Variants in SYT3 observed in about 807,000 individuals in gnomAD.
SYT3 encodes the protein synaptotagmin 3.
A neutral mutation model predicts 50.6 loss-of-function variants in SYT3; 25 were observed. That is an observed-to-expected ratio of 0.49 (90% CI 0.36 to 0.69). The LOEUF (loss-of-function observed/expected upper bound fraction) is 0.69, where lower values mean the gene tolerates loss of function less well. Ranked by LOEUF, SYT3 falls within the 30% of genes least tolerant of loss-of-function variation. The probability of loss-of-function intolerance (pLI) is 0.00; values close to 1 mark genes in which losing one functional copy is unlikely to be tolerated. For synonymous variants in SYT3, 323 were observed against 353.9 expected, an observed-to-expected ratio of 0.91 and a Z score of 0.98; for missense variants, 589 against 793.6, an observed-to-expected ratio of 0.74 and a Z score of 3.10.
chr19:50,624,513 T>C (rs1983969555), intron 9 of SYT3, among the ~76,000 whole-genome samples: 1 of 152,062 alleles, frequency 6.6e-6, no homozygotes, highest in Non-Finnish European at 1.5e-5. Context: ...AGAATGGCCA[T>C]GTTTGATTAT....
the SYT3 span, chr19:50,649,921 A>C: frequency 4.6e-6 from 2 of 437,792 alleles, no homozygotes; most frequent in Non-Finnish European, 9.2e-6. Flanking sequence ...CCATCCTTCC[A>C]CCTCCCACAA....
Position 50,630,112 on chromosome 19 carries a change from C to T in SYT3, c.734G>A (p.Ser245Asn), listed in dbSNP as rs1176654650. The T allele has an allele frequency of 5.6e-6, 9 of 1,604,014 alleles. No homozygotes were observed. Among genetic ancestry groups the T allele is most frequent in the Non-Finnish European group, 7.7e-6 (9 of 1,174,922 alleles). Reference sequence around the variant, plus strand: ...CAGGGCAGGTGGCCGCTCCTCACTGCTGGGGTCCGGCTGGGAGGTCAGAGT... The same window carrying T: ...CAGGGCAGGTGGCCGCTCCTCACTGTTGGGGTCCGGCTGGGAGGTCAGAGT... ...QQTLTSQPDP[S>N]SEERPPALPL... The change falls in exon 5 of 11, where the codon AGC (serine) becomes AAC (asparagine). Residue 245 changes from serine (S) to asparagine (N), a missense_variant. Transcript: ENST00000600079.
intron 6 of SYT3, among the ~76,000 whole-genome samples, chr19:50,628,106 A>G (rs1409603534): frequency 6.6e-6 from 1 of 152,200 alleles, no homozygotes; most frequent in African/African-American, 2.4e-5. Context: ...AGGCTCAGAA[A>G]AGGAAAGAAC....
chr19:50,622,182 A>G lies in SYT3; in HGVS notation c.*303T>C, dbSNP rs1983874337. 1 of 140,658 alleles carries G rather than the reference A, an allele frequency of 7.1e-6. No individual in the cohort carries two copies. The highest frequency in any genetic ancestry group is 1.5e-5 in the Non-Finnish European group (1 of 65,326). The allele number at this position is 140,658 out of a possible 1,614,324, so 8.7% of individuals were successfully genotyped here. On this transcript the variant is annotated 3_prime_UTR_variant, in exon 11 of 11. Coordinates refer to ENST00000600079, the MANE Select transcript of SYT3 (RefSeq NM_001160329.2). The stretch of plus-strand genomic sequence containing the variant: ...TCTTGGACAAACAGCAAAGAGACAG[A>G]GACAGACAGAGGGTTTTGGGGGGCA...
the SYT3 span, among the ~76,000 whole-genome samples, chr19:50,654,944 C>T: frequency 2.4e-4 from 37 of 152,272 alleles, no homozygotes; most frequent in East Asian, 7.1e-3. Flanking sequence ...ATAAGAGTTC[C>T]TCCCATACTG....
At chr19:50,642,173 C>A (rs79664910), upstream of SYT3, among the ~76,000 whole-genome samples, 1 of 152,322 alleles carries the variant, frequency 6.6e-6, no homozygotes, top group Admixed American at 6.5e-5. Context: ...AACCTACAGA[C>A]CACGAGTGCA....
At chr19:50,651,369 G>A in the SYT3 span, among the ~76,000 whole-genome samples, 2 of 151,910 alleles carry the variant, frequency 1.3e-5, no homozygotes, top group Non-Finnish European at 2.9e-5. Context: ...TATTCTTTAG[G>A]TCTCACTGTG....
intron 3 of SYT3, among the ~76,000 whole-genome samples, chr19:50,634,750 A>T (rs984694099): frequency 1.3e-5 from 2 of 151,556 alleles, no homozygotes; most frequent in Non-Finnish European, 2.9e-5. Flanking sequence ...TGCCTGGCTA[A>T]TTTTTGTATT....
Position 50,625,211 on chromosome 19 carries a change from A to AGTGC in SYT3, c.1657_1658insGCAC (p.Met553SerfsTer45). Reference sequence around the variant, plus strand: ...CACGGGCTTGCGGGGATTGGCCAGCATCTCTGCCCAGTGCTCGCGGCCGTG... The same window carrying AGTGC: ...CACGGGCTTGCGGGGATTGGCCAGCAGTGCTCTCTGCCCAGTGCTCGCGGCCGTG... On this transcript the variant is annotated frameshift_variant, in exon 9 of 11. Coordinates refer to ENST00000600079, the MANE Select transcript of SYT3 (RefSeq NM_001160329.2). LOFTEE classifies it high-confidence loss of function. This position sits in a 1 kb window ranked among gnomAD's most constrained non-coding sequence, Gnocchi z 7.5. The AGTGC allele has an allele frequency of 6.2e-7, 1 of 1,601,062 alleles. No homozygotes were observed.
Position 50,625,467 on chromosome 19 carries a change from C to A in SYT3, c.1500G>T (p.Glu500Asp). 1 of 1,603,000 alleles carries A rather than the reference C, an allele frequency of 6.2e-7. No individual in the cohort carries two copies. The highest frequency in any genetic ancestry group is 1.1e-5 in the South Asian group (1 of 89,112). The change falls in exon 8 of 11, where the codon GAG (glutamate) becomes GAT (aspartate). Residue 500 changes from glutamate (E) to aspartate (D), a missense_variant. Transcript: ENST00000600079. The surrounding 1 kb of genome is among the most constrained non-coding windows in gnomAD (Gnocchi z 7.5). ...KKNTLNPTYN[E>D]ALVFDVAPES... ...CGGGGGCCACGTCGAACACCAGCGC[C>A]TCATTATAGGTGGGGTTCAGCGTGT...
At chr19:50,634,248 C>T (rs776341004) in intron 3 of SYT3, among the ~76,000 whole-genome samples, 7 of 152,158 alleles carry the variant, frequency 4.6e-5, no homozygotes, top group Non-Finnish European at 1.0e-4. Context: ...CAGGGAAAAT[C>T]CCTACTCCTG....
upstream of SYT3, among the ~76,000 whole-genome samples, chr19:50,641,391 G>A (rs979056100): frequency 6.7e-6 from 1 of 149,978 alleles, no homozygotes; most frequent in African/African-American, 2.5e-5. Context: ...CCGTGGTCTC[G>A]ATCTCCTGAC....
rs145561187 is a variant in SYT3 at position 50,637,345 on chromosome 19, G to A, written c.67C>T (p.Arg23Trp). The change falls in exon 3 of 11, where the codon CGG becomes TGG. Residue 23 changes from arginine (R) to tryptophan (W), a missense_variant. By Grantham distance (101) the Arg-to-Trp change is moderately radical. Coordinates refer to ENST00000600079, the MANE Select transcript of SYT3 (RefSeq NM_001160329.2). The surrounding 1 kb of genome is among the most constrained non-coding windows in gnomAD (Gnocchi z 4.9). ...ALILVSDLCA[R>W]VRDADTNDRC... is the part of the protein sequence containing the mutation. ...TCGTTGGTGTCAGCATCTCGGACCC[G>A]CGCACAGAGGTCCGAGACCAGGATG... 69 of 1,612,674 alleles carry A rather than the reference G, an allele frequency of 4.3e-5. No individual in the cohort carries two copies. Among genetic ancestry groups the A allele is most frequent in the East Asian group, 2.9e-4 (13 of 44,872 alleles).
the SYT3 span, among the ~76,000 whole-genome samples, chr19:50,647,249 G>A: frequency 3.9e-5 from 6 of 152,284 alleles, no homozygotes; most frequent in Middle Eastern, 3.4e-3. Context: ...CAGGTGAGGG[G>A]CTGAAAGTTT....
At chr19:50,624,537 G>A (rs571189952) in intron 9 of SYT3, among the ~76,000 whole-genome samples, 12 of 148,706 alleles carry the variant, frequency 8.1e-5, no homozygotes, top group African/African-American at 2.7e-4. Context: ...TCCTGATCAA[G>A]CGATAATCTT....
At chr19:50,652,570 G>T in the SYT3 span, among the ~76,000 whole-genome samples, 2 of 152,182 alleles carry the variant, frequency 1.3e-5, no homozygotes, top group Admixed American at 1.3e-4. Flanking sequence ...GGGTCAGAGA[G>T]TCCAAGTCGC....
intron 4 of SYT3, among the ~76,000 whole-genome samples, chr19:50,631,993 T>C (rs958977175): frequency 6.6e-6 from 1 of 151,962 alleles, no homozygotes; most frequent in African/African-American, 2.4e-5. Context: ...GATCCAACCT[T>C]ATTCTCCTCT....
chr19:50,624,890 A>G (rs990419253), intron 9 of SYT3: 3 of 355,124 alleles, frequency 8.4e-6, no homozygotes, highest in Non-Finnish European at 1.5e-5. Flanking sequence ...TAACAACAGC[A>G]GCGACCACCT....
chr19:50,628,984 C>T lies in SYT3; in HGVS notation c.1281+310G>A, dbSNP rs572154510. ...GATTACAGGCATGTGCCACCATGCC[C>T]GGCTAATTTTTGTATTTTTAGTAGA... On this transcript the variant is annotated intron_variant, in intron 6 of 10. Coordinates refer to ENST00000600079, the MANE Select transcript of SYT3 (RefSeq NM_001160329.2). Among the ~76,000 whole-genome samples, 8 of 152,028 alleles carry T rather than the reference C, an allele frequency of 5.3e-5. 1 individual carries two copies. The highest frequency in any genetic ancestry group is 6.6e-5 in the Admixed American group (1 of 15,250).
Sources: allele counts gnomAD v4.1 joint callset (sites outside exome capture counted in the v4.1 genomes callset), GRCh38; gene constraint gnomAD v4.1.1; non-coding constraint Gnocchi (gnomAD v3.1); transcripts MANE v1.5; gene names NCBI Gene and HGNC (gene_info 2026-07-23, HGNC 2026-07-21).